The following JPH3 variants were observed in gnomAD, a reference collection of about 807,000 sequenced individuals.
The protein encoded by JPH3 is junctophilin-3.
In JPH3, 11 loss-of-function variants were observed where a neutral mutation model predicts 59.6. That is an observed-to-expected ratio of 0.18 (90% CI 0.12 to 0.31). The LOEUF (loss-of-function observed/expected upper bound fraction) is 0.31, where lower values mean the gene tolerates loss of function less well. Among genes scored for constraint, JPH3 ranks in the 10% least tolerant of loss-of-function variants. The pLI is 1.00. For missense variants in JPH3, 1,202 were observed against 1,105.7 expected, an observed-to-expected ratio of 1.09 and a Z score of -1.24; for synonymous variants, 673 against 483.6, an observed-to-expected ratio of 1.39 and a Z score of -5.14.
chr16:87,626,342 A>C (rs571036058), intron 1 of JPH3, among the ~76,000 whole-genome samples: 12 of 152,270 alleles, frequency 7.9e-5, no homozygotes, highest in Non-Finnish European at 1.8e-4. Context: ...CTTAGCACAG[A>C]GCCTGAGCAC....
In JPH3 at chr16:87,675,159, C is replaced by T. The variant is rs1444087423; in HGVS notation, c.1161-8983C>T. ...TTCTACCACCCCATGCCCCACCCCCCAGCTGGCAGAAGCTTTCACCCCCCG... is the reference window on the plus strand; with the variant it reads ...TTCTACCACCCCATGCCCCACCCCCTAGCTGGCAGAAGCTTTCACCCCCCG... On this transcript the variant is annotated intron_variant, in intron 2 of 4. Coordinates refer to ENST00000284262, the MANE Select transcript of JPH3 (RefSeq NM_020655.4). 2.7e-5 allele frequency among the ~76,000 whole-genome samples: 4 copies of T among 148,328 alleles called. No homozygotes were observed. The East Asian group carries it at 8.0e-4, about 30-fold the overall frequency.
At chr16:87,645,102 C>G (rs1041072513) in intron 2 of JPH3, 67 bp downstream of exon 2, 1 of 1,496,808 alleles carries the variant, frequency 6.7e-7, no homozygotes, top group Non-Finnish European at 9.0e-7. Flanking sequence ...CCAGTCTGTT[C>G]AGTCCTGCTG....
At chr16:87,675,256 CT>C (rs1363629419) in intron 2 of JPH3, among the ~76,000 whole-genome samples, 1 of 147,888 alleles carries the variant, frequency 6.8e-6, no homozygotes, top group Non-Finnish European at 1.5e-5. Context: ...CTGGAGCTCT[CT>C]TCCCCTTGCC....
At chr16:87,683,301 A>C (rs2033339734) in intron 2 of JPH3, among the ~76,000 whole-genome samples, 2 of 152,116 alleles carry the variant, frequency 1.3e-5, no homozygotes, top group Admixed American at 1.3e-4. Flanking sequence ...TAAGAACAGA[A>C]ACATTTTCTT....
intron 1 of JPH3, among the ~76,000 whole-genome samples, chr16:87,639,078 C>T (rs1434807754): frequency 1.3e-5 from 2 of 152,186 alleles, no homozygotes; most frequent in Admixed American, 1.3e-4. Context: ...CACAGCCCCT[C>T]TCCAGCCTCA....
At chr16:87,620,330 A>C (rs2031125914) in intron 1 of JPH3, among the ~76,000 whole-genome samples, 1 of 125,544 alleles carries the variant, frequency 8.0e-6, no homozygotes. Context: ...CCATAGGGGC[A>C]GGGTCCTGGT....
At chr16:87,658,261 C>G (rs951276103) in intron 2 of JPH3, among the ~76,000 whole-genome samples, 2 of 152,186 alleles carry the variant, frequency 1.3e-5, no homozygotes, top group African/African-American at 2.4e-5. Context: ...CACCCCAGCT[C>G]AGGCGTCCCG....
intron 1 of JPH3, chr16:87,604,708 A>G (rs1199014023): frequency 1.8e-6 from 2 of 1,091,778 alleles, no homozygotes; most frequent in South Asian, 1.9e-5. Context: ...CCACGGCCAC[A>G]TCCAGGAGTG....
rs1288459028 is a variant in JPH3, at chr16:87,677,221, CACACAAAAAAAA to C, written c.1161-6919_1161-6908del. Among the ~76,000 whole-genome samples, 74 of 119,866 alleles carry C rather than the reference CACACAAAAAAAA, an allele frequency of 6.2e-4. 1 individual carries two copies. Among genetic ancestry groups the C allele is most frequent in the Non-Finnish European group, 7.8e-4 (46 of 58,840 alleles). The allele number at this position is 119,866 out of a possible 152,430, so 78.6% of individuals were successfully genotyped here. A position where few individuals can be genotyped will look rare whatever the true frequency, so the allele number is the denominator to read the frequency against. On this transcript the variant is annotated intron_variant, in intron 2 of 4. Coordinates refer to ENST00000284262, the MANE Select transcript of JPH3 (RefSeq NM_020655.4). ...ACACACACACACACACACACACACACACACAAAAAAAAAAATTAGCCGGGTGTGGTGGGCGCC... is the reference window on the plus strand; with the variant it reads ...ACACACACACACACACACACACACACAAATTAGCCGGGTGTGGTGGGCGCC...
At chr16:87,686,111 G>A (rs1417537564) in intron 3 of JPH3, among the ~76,000 whole-genome samples, 3 of 152,214 alleles carry the variant, frequency 2.0e-5, no homozygotes, top group Non-Finnish European at 2.9e-5. Context: ...CAGCACTCCC[G>A]ACACCTGGAT....
intron 2 of JPH3, among the ~76,000 whole-genome samples, chr16:87,680,424 C>G (rs1164838316): frequency 6.6e-6 from 1 of 152,170 alleles, no homozygotes; most frequent in Non-Finnish European, 1.5e-5. Context: ...TGTGCTCTGG[C>G]CCAGGAACCG....
At chr16:87,666,787 C>A (rs2032877666) in intron 2 of JPH3, among the ~76,000 whole-genome samples, 1 of 152,190 alleles carries the variant, frequency 6.6e-6, no homozygotes, top group Non-Finnish European at 1.5e-5. Flanking sequence ...TGTCCCTGTA[C>A]CCTTGTGAGG....
At position 87,677,185 on chromosome 16, in the gene JPH3, TACAC is replaced by T. The variant is rs764055221; in HGVS notation, c.1161-6919_1161-6916del. Among the ~76,000 whole-genome samples, 746 of 95,150 alleles carry T rather than the reference TACAC, an allele frequency of 7.8e-3. 5 individuals carry two copies. The highest frequency in any genetic ancestry group is 0.03 in the Middle Eastern group (5 of 164). The allele number at this position is 95,150 out of a possible 152,430, so 62.4% of individuals were successfully genotyped here. A position where few individuals can be genotyped will look rare whatever the true frequency, so the allele number is the denominator to read the frequency against. ...CACACACACACGCACTATATATATA[TACAC>T]ACACACACACACACACACACACACA... On this transcript the variant is annotated intron_variant, in intron 2 of 4. Transcript: ENST00000284262.
chr16:87,686,908 G>C (rs2033432996), intron 3 of JPH3, among the ~76,000 whole-genome samples: 1 of 152,218 alleles, frequency 6.6e-6, no homozygotes, highest in African/African-American at 2.4e-5. Context: ...CGAGGGTCTG[G>C]CCAAGTTGGC....
intron 1 of JPH3, among the ~76,000 whole-genome samples, chr16:87,627,041 C>T (rs867257951): frequency 1.3e-5 from 2 of 152,238 alleles, no homozygotes; most frequent in African/African-American, 4.8e-5. Flanking sequence ...ATAAGAATCA[C>T]CTGGGAAGCT....
intron 1 of JPH3, among the ~76,000 whole-genome samples, chr16:87,623,040 G>T (rs949232067): frequency 2.0e-5 from 3 of 152,158 alleles, no homozygotes; most frequent in African/African-American, 7.2e-5. Flanking sequence ...AGCCACAGGA[G>T]TGTCCAGGCC....
intron 2 of JPH3, among the ~76,000 whole-genome samples, chr16:87,673,661 C>T (rs1327956741): frequency 6.6e-6 from 1 of 152,196 alleles, no homozygotes; most frequent in South Asian, 2.1e-4. Context: ...CACGGTGGCT[C>T]ACACCTGTAA....
chr16:87,666,514 C>T (rs2032866295), intron 2 of JPH3, among the ~76,000 whole-genome samples: 1 of 152,040 alleles, frequency 6.6e-6, no homozygotes, highest in African/African-American at 2.4e-5. Flanking sequence ...ACCTTAGCCT[C>T]CTAAGCAGCT....
intron 1 of JPH3, among the ~76,000 whole-genome samples, chr16:87,637,100 C>G (rs751014863): frequency 9.9e-5 from 15 of 152,238 alleles, no homozygotes; most frequent in Non-Finnish European, 1.9e-4. Flanking sequence ...ACCAGCCGTT[C>G]TTTTATCTTA....
Sources: allele counts gnomAD v4.1 joint callset (sites outside exome capture counted in the v4.1 genomes callset), GRCh38; gene constraint gnomAD v4.1.1; transcripts MANE v1.5; gene names NCBI Gene and HGNC (gene_info 2026-07-23, HGNC 2026-07-21).